Variants in ITGA9 observed in about 807,000 individuals in gnomAD.
The protein encoded by ITGA9 is integrin subunit alpha 9, also known as integrin alpha-9.
A neutral mutation model predicts 127.8 loss-of-function variants in ITGA9; 56 were observed. That is an observed-to-expected ratio of 0.44 (90% confidence interval 0.35 to 0.55). The LOEUF (loss-of-function observed/expected upper bound fraction) is 0.55, where lower values mean the gene tolerates loss of function less well. ITGA9 is among the 20% of genes least tolerant of loss of function. The pLI is 0.00. For missense variants in ITGA9, 1,196 were observed against 1,347.1 expected (o/e 0.89, Z 1.76); for synonymous variants, 508 against 514.5 (o/e 0.99, Z 0.17).
intron 16 of ITGA9, among the ~76,000 whole-genome samples, chr3:37,637,793 C>A (rs1386403265): frequency 1.3e-5 from 2 of 152,186 alleles, no homozygotes; most frequent in Non-Finnish European, 1.5e-5. Context: ...CTGCCTCAGC[C>A]TCCTGAGTAG....
chr3:37,816,870 G>T (rs916837299), intron 27 of ITGA9, among the ~76,000 whole-genome samples: 1 of 152,192 alleles, frequency 6.6e-6, no homozygotes, highest in Non-Finnish European at 1.5e-5. Flanking sequence ...GAAAGCTTCT[G>T]CTCTTTCCCA....
intron 23 of ITGA9, among the ~76,000 whole-genome samples, chr3:37,759,652 A>C (rs1696700004): frequency 6.6e-6 from 1 of 152,234 alleles, no homozygotes; most frequent in South Asian, 2.1e-4. Flanking sequence ...CTGTAATCCC[A>C]GCACTTTGGG....
At chr3:37,817,535 T>C (rs546303804) in intron 27 of ITGA9, among the ~76,000 whole-genome samples, 1 of 152,288 alleles carries the variant, frequency 6.6e-6, no homozygotes, top group South Asian at 2.1e-4. Flanking sequence ...GGGAAACTGG[T>C]AGAACGTACA....
intron 17 of ITGA9, 114 bp from the exon 18 acceptor site, chr3:37,683,751 G>A (rs1320026244): frequency 2.8e-6 from 3 of 1,069,230 alleles, no homozygotes; most frequent in African/African-American, 1.6e-5. Flanking sequence ...TGGGGCTCCT[G>A]GAACTTGTAG....
chr3:37,738,492 A>G (rs1330353071), intron 20 of ITGA9, among the ~76,000 whole-genome samples: 1 of 152,216 alleles, frequency 6.6e-6, no homozygotes, highest in African/African-American at 2.4e-5. Context: ...ATGGGGGACA[A>G]AGGTCACCTA....
intron 22 of ITGA9, chr3:37,748,747 TAAAAAA>T (rs34063758): frequency 9.5e-5 from 43 of 450,654 alleles, no homozygotes; most frequent in Middle Eastern, 6.8e-4. Flanking sequence ...GACTCTGTCT[TAAAAAA>T]AAAAAAAAAA....
At chr3:37,473,249 G>A in intron 2 of ITGA9, 105 bp from the exon 3 acceptor site, 1 of 706,808 alleles carries the variant, frequency 1.4e-6, no homozygotes, top group Non-Finnish European at 2.5e-6. Context: ...TTTACATTTT[G>A]TGGAAAGTTC....
chr3:37,618,974 C>A (rs1700101933), intron 15 of ITGA9, among the ~76,000 whole-genome samples: 1 of 152,140 alleles, frequency 6.6e-6, no homozygotes, highest in African/African-American at 2.4e-5. Context: ...CTGTCCTGCA[C>A]CCACTGTCTG....
intron 15 of ITGA9, among the ~76,000 whole-genome samples, chr3:37,588,436 T>G (rs1699781127): frequency 6.6e-6 from 1 of 151,400 alleles, no homozygotes; most frequent in Non-Finnish European, 1.5e-5. Context: ...GAGGCTGCCC[T>G]TGGACCTCAG....
At chr3:37,688,268 G>C (rs1174190012) in intron 18 of ITGA9, among the ~76,000 whole-genome samples, 1 of 152,148 alleles carries the variant, frequency 6.6e-6, no homozygotes, top group Non-Finnish European at 1.5e-5. Flanking sequence ...TAGTAACCAT[G>C]AGAGCTTCCT....
At chr3:37,745,983 A>T (rs1696495398) in intron 22 of ITGA9, 1 of 152,216 alleles carries the variant, frequency 6.6e-6, no homozygotes, top group African/African-American at 2.4e-5. Flanking sequence ...AGTGTGTGCC[A>T]TTGATTAGAA....
At chr3:37,752,421 AC>A (rs1696598168) in intron 23 of ITGA9, among the ~76,000 whole-genome samples, 1 of 152,010 alleles carries the variant, frequency 6.6e-6, no homozygotes, top group African/African-American at 2.4e-5. Context: ...CCATTCCCCA[AC>A]CTCCAAAGGC....
intron 18 of ITGA9, among the ~76,000 whole-genome samples, chr3:37,698,894 T>C (rs1700916342): frequency 6.6e-6 from 1 of 152,204 alleles, no homozygotes; most frequent in Admixed American, 6.5e-5. Flanking sequence ...TTCTTTGTGA[T>C]TTAGAGCTGC....
chr3:37,658,285 T>A (rs1412219051), intron 17 of ITGA9, among the ~76,000 whole-genome samples: 1 of 152,106 alleles, frequency 6.6e-6, no homozygotes, highest in Non-Finnish European at 1.5e-5. Context: ...GACAGTGGAG[T>A]GTTAAAGTCT....
intron 16 of ITGA9, among the ~76,000 whole-genome samples, chr3:37,648,580 T>G (rs1700401220): frequency 6.6e-6 from 1 of 152,070 alleles, no homozygotes; most frequent in Non-Finnish European, 1.5e-5. Flanking sequence ...TGAGCCAAGA[T>G]GATGCCACTG....
chr3:37,605,740 A>G (rs528410095), intron 15 of ITGA9, among the ~76,000 whole-genome samples: 31 of 152,300 alleles, frequency 2.0e-4, no homozygotes, highest in Admixed American at 5.9e-4. Context: ...CTGCCCCTAT[A>G]TAAGGAATAT....
chr3:37,700,669 T>C (rs1421129553), intron 18 of ITGA9, among the ~76,000 whole-genome samples: 2 of 152,206 alleles, frequency 1.3e-5, no homozygotes, highest in Admixed American at 1.3e-4. Flanking sequence ...TTTTTATTCA[T>C]TGATTCATAC....
chr3:37,801,641 TA>T (rs1243554658), intron 26 of ITGA9, among the ~76,000 whole-genome samples: 4 of 151,684 alleles, frequency 2.6e-5, no homozygotes, highest in Non-Finnish European at 4.4e-5. Context: ...TCTCAAAAAA[TA>T]AAATAAAAAC....
At chr3:37,487,955 G>A (rs1244260632) in intron 4 of ITGA9, among the ~76,000 whole-genome samples, 1 of 152,212 alleles carries the variant, frequency 6.6e-6, no homozygotes, top group East Asian at 1.9e-4. Flanking sequence ...AGTAGGTACA[G>A]AGGGCAGACG....
Sources: gnomAD v4.1 joint callset for allele counts (sites outside exome capture counted in the v4.1 genomes callset) on GRCh38, gnomAD v4.1.1 for gene constraint, MANE v1.5 for transcripts, NCBI Gene and HGNC (gene_info 2026-07-23, HGNC 2026-07-21) for gene names.